MECOM: variants seen among roughly 807,000 people sequenced by gnomAD.
MECOM encodes the protein histone-lysine N-methyltransferase MECOM.
In MECOM, 13 loss-of-function variants were observed where a neutral mutation model predicts 116.3. The ratio of observed to expected loss-of-function variants is 0.11; its 90% CI spans 0.07 to 0.18. The LOEUF (loss-of-function observed/expected upper bound fraction) is 0.18. Ranked by LOEUF, MECOM falls within the 10% of genes least tolerant of loss-of-function variation. The pLI is 1.00. For synonymous variants in MECOM, 528 were observed against 535.2 expected (o/e 0.99, Z 0.19); for missense variants, 1,299 against 1,509.0 (o/e 0.86, Z 2.31).
At chr3:169,105,103 A>G (rs985335864) in intron 10 of MECOM, among the ~76,000 whole-genome samples, 1 of 152,194 alleles carries the variant, frequency 6.6e-6, no homozygotes, top group Non-Finnish European at 1.5e-5. Flanking sequence ...ACACGTACAC[A>G]AAACATTTTC....
chr3:169,415,153 A>G (rs113748156), intron 1 of MECOM, among the ~76,000 whole-genome samples: 4,831 of 152,300 alleles, frequency 0.032, 188 homozygotes, highest in African/African-American at 0.089. Context: ...GTTACACACA[A>G]ACAGAAGCCC....
intron 2 of MECOM, among the ~76,000 whole-genome samples, chr3:169,191,058 C>T (rs1029982988): frequency 6.6e-6 from 1 of 151,950 alleles, no homozygotes; most frequent in African/African-American, 2.4e-5. Flanking sequence ...ATGCTGACTC[C>T]TTACCATCCC....
intron 2 of MECOM, among the ~76,000 whole-genome samples, chr3:169,213,160 C>T (rs1750994328): frequency 6.6e-6 from 1 of 151,896 alleles, no homozygotes; most frequent in South Asian, 2.1e-4. Flanking sequence ...GGAAAGGAAG[C>T]TCCATGAGGG....
intron 1 of MECOM, among the ~76,000 whole-genome samples, chr3:169,567,851 T>A (rs1763415104): frequency 6.6e-6 from 1 of 151,892 alleles, no homozygotes; most frequent in African/African-American, 2.4e-5. Flanking sequence ...TGGAAAAAAA[T>A]ATAAGGACCA....
intron 1 of MECOM, among the ~76,000 whole-genome samples, chr3:169,439,469 A>T (rs1157990785): frequency 6.6e-6 from 1 of 151,966 alleles, no homozygotes; most frequent in Non-Finnish European, 1.5e-5. Context: ...TAGGCCATAG[A>T]CATAAACAGG....
intron 1 of MECOM, among the ~76,000 whole-genome samples, chr3:169,522,014 T>A (rs1328761488): frequency 6.6e-6 from 1 of 152,168 alleles, no homozygotes; most frequent in Non-Finnish European, 1.5e-5. Flanking sequence ...TGCTATGCCA[T>A]TTTATGTCAG....
At chr3:169,543,762 C>T (rs1201277188) in intron 1 of MECOM, among the ~76,000 whole-genome samples, 1 of 152,274 alleles carries the variant, frequency 6.6e-6, no homozygotes. Context: ...TTATATTTTA[C>T]AATCCATCCA....
At chr3:169,353,235 A>G (rs1305579247) in intron 2 of MECOM, among the ~76,000 whole-genome samples, 1 of 151,920 alleles carries the variant, frequency 6.6e-6, no homozygotes, top group East Asian at 1.9e-4. Flanking sequence ...TCATAGGATA[A>G]TGAGTCGGGA....
At chr3:169,317,875 A>G (rs1402138977) in intron 2 of MECOM, among the ~76,000 whole-genome samples, 2 of 152,182 alleles carry the variant, frequency 1.3e-5, no homozygotes, top group African/African-American at 2.4e-5. Context: ...TTCAAACTAT[A>G]CTACAAGGCT....
chr3:169,218,704 C>T (rs1194794166), intron 2 of MECOM, among the ~76,000 whole-genome samples: 1 of 152,120 alleles, frequency 6.6e-6, no homozygotes, highest in Admixed American at 6.5e-5. Context: ...CAGTCCATAT[C>T]AGTGTTAACT....
chr3:169,594,172 A>C (rs1766816686), intron 1 of MECOM, among the ~76,000 whole-genome samples: 3 of 146,550 alleles, frequency 2.0e-5, no homozygotes, highest in East Asian at 4.0e-4. Flanking sequence ...AAAAAAAAAA[A>C]AAAACACCTT....
intron 1 of MECOM, among the ~76,000 whole-genome samples, chr3:169,599,298 G>A (rs540943840): frequency 9.7e-4 from 147 of 152,164 alleles, no homozygotes; most frequent in African/African-American, 3.4e-3. Context: ...GGCAGATCAC[G>A]AGGTCAAGAG....
At chr3:169,130,479 C>T (rs1425729849) in intron 4 of MECOM, among the ~76,000 whole-genome samples, 1 of 151,220 alleles carries the variant, frequency 6.6e-6, no homozygotes, top group East Asian at 1.9e-4. Context: ...CCAGCCCTCC[C>T]CCTCCCCCTG....
intron 2 of MECOM, chr3:169,146,689 C>CT (rs1740056237): frequency 3.9e-6 from 5 of 1,282,706 alleles, no homozygotes; most frequent in Non-Finnish European, 4.0e-6. Flanking sequence ...ATCGCCCAGA[C>CT]TTTTTTTCCT....
chr3:169,620,698 C>G (rs1008708159), intron 1 of MECOM, among the ~76,000 whole-genome samples: 1 of 152,204 alleles, frequency 6.6e-6, no homozygotes, highest in Non-Finnish European at 1.5e-5. Flanking sequence ...TTGTTACCTT[C>G]GTCAAGGTGC....
At chr3:169,157,065 CAG>C (rs1742108170) in intron 2 of MECOM, among the ~76,000 whole-genome samples, 1 of 152,152 alleles carries the variant, frequency 6.6e-6, no homozygotes, top group Non-Finnish European at 1.5e-5. Flanking sequence ...TCCTGAGAAA[CAG>C]AACATTTCAT....
intron 1 of MECOM, among the ~76,000 whole-genome samples, chr3:169,648,288 A>G (rs567502192): frequency 6.6e-6 from 1 of 152,334 alleles, no homozygotes; most frequent in African/African-American, 2.4e-5. Context: ...TGATATTACC[A>G]TAACTTGAGG....
intron 2 of MECOM, among the ~76,000 whole-genome samples, chr3:169,203,362 G>A (rs1264643841): frequency 6.6e-6 from 1 of 151,950 alleles, no homozygotes; most frequent in East Asian, 1.9e-4. Context: ...AGCTGGATTG[G>A]AGTCTAAGTT....
chr3:169,230,473 A>G (rs143573466), intron 2 of MECOM, among the ~76,000 whole-genome samples: 6 of 152,308 alleles, frequency 3.9e-5, no homozygotes, highest in African/African-American at 1.4e-4. Flanking sequence ...TGTATCTCCA[A>G]GATACCAGTT....
Sources: allele counts gnomAD v4.1 joint callset (sites outside exome capture counted in the v4.1 genomes callset), GRCh38; gene constraint gnomAD v4.1.1; transcripts MANE v1.5; gene names NCBI Gene and HGNC (gene_info 2026-07-23, HGNC 2026-07-21).